Variants in JAZF1 observed in about 807,000 individuals in gnomAD.
JAZF1 encodes juxtaposed with another zinc finger protein 1.
JAZF1 carries 8 observed loss-of-function variants against 26.4 expected under a neutral mutation model. That is an observed-to-expected ratio of 0.30 (90% CI 0.18 to 0.55). The LOEUF is 0.55. JAZF1 is among the 20% of genes least tolerant of loss of function. The pLI is 0.94. For missense variants in JAZF1, 199 were observed against 322.0 expected (o/e 0.62, Z 2.92); for synonymous variants, 126 against 122.3 (o/e 1.03, Z -0.20).
chr7:27,863,673 T>A (rs986994087), intron 3 of JAZF1, among the ~76,000 whole-genome samples: 4 of 152,220 alleles, frequency 2.6e-5, no homozygotes, highest in African/African-American at 9.6e-5. Context: ...GCACTCAATA[T>A]ATATTTGTTG....
At chr7:27,956,951 C>T (rs17156085) in intron 2 of JAZF1, among the ~76,000 whole-genome samples, 67,072 of 152,120 alleles carry the variant, frequency 0.44, 15,755 homozygotes, top group Middle Eastern at 0.55. Flanking sequence ...ACACGAATAA[C>T]GGCAAATCTT....
At chr7:28,118,793 A>C (rs199752111) in intron 1 of JAZF1, among the ~76,000 whole-genome samples, 98 of 128,924 alleles carry the variant, frequency 7.6e-4, no homozygotes, top group Non-Finnish European at 1.3e-3. Context: ...CACACACACA[A>C]CACACACACA....
chr7:27,887,530 C>T (rs1783889126), intron 3 of JAZF1, among the ~76,000 whole-genome samples: 2 of 152,130 alleles, frequency 1.3e-5, no homozygotes, highest in South Asian at 2.1e-4. Context: ...ATTCTCATGC[C>T]TCAGCCTCCC....
At chr7:27,982,234 T>C (rs948366306) in intron 2 of JAZF1, among the ~76,000 whole-genome samples, 5 of 151,998 alleles carry the variant, frequency 3.3e-5, no homozygotes, top group African/African-American at 1.2e-4. Flanking sequence ...ACCTGGAAAA[T>C]CGGGACACTC....
chr7:28,152,314 T>C (rs1783122820), intron 1 of JAZF1, among the ~76,000 whole-genome samples: 1 of 152,232 alleles, frequency 6.6e-6, no homozygotes, highest in African/African-American at 2.4e-5. Context: ...CAAGTATTCA[T>C]CTGAATACCT....
At chr7:27,936,042 C>T (rs1784759280) in intron 2 of JAZF1, among the ~76,000 whole-genome samples, 1 of 152,214 alleles carries the variant, frequency 6.6e-6, no homozygotes, top group Non-Finnish European at 1.5e-5. Context: ...TCCATGCCAC[C>T]TCCCTGGGAA....
At chr7:28,169,052 G>C (rs1783414256) in intron 1 of JAZF1, among the ~76,000 whole-genome samples, 1 of 152,218 alleles carries the variant, frequency 6.6e-6, no homozygotes, top group Admixed American at 6.5e-5. Flanking sequence ...CAATAAGGCT[G>C]ATTTTCCACA....
At chr7:28,161,272 A>AG (rs1305898173) in intron 1 of JAZF1, among the ~76,000 whole-genome samples, 2 of 150,564 alleles carry the variant, frequency 1.3e-5, no homozygotes, top group African/African-American at 4.9e-5. Context: ...AAAAAAAAAA[A>AG]AAAAAAAAAG....
chr7:27,921,667 T>A (rs35135622), intron 2 of JAZF1, among the ~76,000 whole-genome samples: 42,354 of 151,966 alleles, frequency 0.28, 6,658 homozygotes, highest in Middle Eastern at 0.38. Flanking sequence ...AGGGATTATA[T>A]CATCTTCATC....
intron 3 of JAZF1, among the ~76,000 whole-genome samples, chr7:27,847,152 T>TA (rs947483984): frequency 1.7e-5 from 1 of 60,204 alleles, no homozygotes; most frequent in Non-Finnish European, 3.9e-5. Flanking sequence ...GCTTTTTTTC[T>TA]TTTTTTTTTT....
intron 2 of JAZF1, among the ~76,000 whole-genome samples, chr7:27,975,866 T>A (rs1785460093): frequency 6.6e-6 from 1 of 152,198 alleles, no homozygotes. Context: ...TAGAGTGTCC[T>A]AAGAATGAAC....
rs552155039 is a variant in JAZF1, at chr7:27,954,565, A to ATATAT, written c.188+37343_188+37344insATATA. Among the ~76,000 whole-genome samples, 29 of 152,316 alleles carry ATATAT rather than the reference A, an allele frequency of 1.9e-4. No homozygotes were observed. The South Asian group carries it at 6.0e-3, about 32-fold the overall frequency. On this transcript the variant is annotated intron_variant, in intron 2 of 4. Transcript: ENST00000283928. ...TTATGACTAGTCAGCCCATATATAAAGGTCAAATTCAGCAACTCAAATGCA... is the reference window on the plus strand; with the variant it reads ...TTATGACTAGTCAGCCCATATATAAATATATGGTCAAATTCAGCAACTCAAATGCA...
Position 27,974,890 on chromosome 7 carries a change from T to C in JAZF1, c.188+17019A>G, listed in dbSNP as rs60241533. On this transcript the variant is annotated intron_variant, in intron 2 of 4. Transcript: ENST00000283928. Reference sequence around the variant, plus strand: ...GCTTCTGGGGAGGCCTTAGGGAGTTTTTTTTTTTTTTTGAGATGGAGTCTC... The same window carrying C: ...GCTTCTGGGGAGGCCTTAGGGAGTTCTTTTTTTTTTTTGAGATGGAGTCTC... 3.4e-5 allele frequency among the ~76,000 whole-genome samples: 5 copies of C among 145,518 alleles called. No individual in the cohort carries two copies. The East Asian group carries it at 9.8e-4, about 28-fold the overall frequency.
At chr7:28,086,853 A>T (rs1784219360) in intron 1 of JAZF1, among the ~76,000 whole-genome samples, 1 of 152,236 alleles carries the variant, frequency 6.6e-6, no homozygotes, top group Non-Finnish European at 1.5e-5. Flanking sequence ...ACCACTGATG[A>T]TGACAAATAT....
intron 2 of JAZF1, among the ~76,000 whole-genome samples, chr7:27,922,186 A>G (rs1313824143): frequency 6.6e-6 from 1 of 152,260 alleles, no homozygotes. Flanking sequence ...GAACAAATAA[A>G]TAAGGTCTGA....
At chr7:28,053,021 T>C (rs1783640986) in intron 1 of JAZF1, among the ~76,000 whole-genome samples, 1 of 152,196 alleles carries the variant, frequency 6.6e-6, no homozygotes, top group Non-Finnish European at 1.5e-5. Flanking sequence ...CTTTTCTACT[T>C]TGTTGCTATG....
At chr7:27,869,737 C>T (rs1041273330) in intron 3 of JAZF1, among the ~76,000 whole-genome samples, 5 of 152,190 alleles carry the variant, frequency 3.3e-5, no homozygotes, top group African/African-American at 4.8e-5. Flanking sequence ...AACACGGCAA[C>T]AAAAGACACT....
intron 2 of JAZF1, among the ~76,000 whole-genome samples, chr7:27,989,495 A>G (rs1785849911): frequency 6.6e-6 from 1 of 152,222 alleles, no homozygotes; most frequent in African/African-American, 2.4e-5. Context: ...GTGAACAGGC[A>G]ACCTACAGAA....
chr7:28,179,778 C>A (rs1219250955), intron 1 of JAZF1, among the ~76,000 whole-genome samples: 2 of 147,924 alleles, frequency 1.4e-5, no homozygotes, highest in Non-Finnish European at 3.0e-5. Context: ...GGGCAAGCTC[C>A]CCGGCCCCCG....
Sources: allele counts gnomAD v4.1 joint callset (sites outside exome capture counted in the v4.1 genomes callset), GRCh38; gene constraint gnomAD v4.1.1; transcripts MANE v1.5; gene names NCBI Gene and HGNC (gene_info 2026-07-23, HGNC 2026-07-21).